ROBO2: variants seen among roughly 807,000 people sequenced by gnomAD.
ROBO2 encodes roundabout guidance receptor 2.
A neutral mutation model predicts 160.8 loss-of-function variants in ROBO2; 53 were observed. The observed-to-expected ratio is 0.33, with a 90% CI of 0.26 to 0.41. The LOEUF is 0.41. ROBO2 is among the 10% of genes least tolerant of loss of function. The pLI, the probability that ROBO2 is intolerant of heterozygous loss-of-function variation, is 1.00. For synonymous variants in ROBO2, 664 were observed against 611.7 expected, an observed-to-expected ratio of 1.09 and a Z score of -1.26; for missense variants, 1,577 against 1,722.4, an observed-to-expected ratio of 0.92 and a Z score of 1.49.
At chr3:77,591,251 C>G (rs575383546) in intron 17 of ROBO2, among the ~76,000 whole-genome samples, 3 of 152,074 alleles carry the variant, frequency 2.0e-5, no homozygotes, top group Non-Finnish European at 4.4e-5. Context: ...AAGGATTAAT[C>G]TGCATTCATA....
chr3:76,701,912 T>TC (rs2093053398), intron 2 of ROBO2, among the ~76,000 whole-genome samples: 2 of 151,776 alleles, frequency 1.3e-5, no homozygotes, highest in Admixed American at 1.3e-4. Flanking sequence ...ACTGTATGTA[T>TC]TTAGAAATGC....
At chr3:77,583,322 G>A (rs2093967644) in intron 16 of ROBO2, among the ~76,000 whole-genome samples, 1 of 151,774 alleles carries the variant, frequency 6.6e-6, no homozygotes, top group South Asian at 2.1e-4. Context: ...TATTAAAGTT[G>A]TCCCTGTTTC....
At chr3:75,982,972 G>A (rs893966705) in intron 2 of ROBO2, among the ~76,000 whole-genome samples, 8 of 151,420 alleles carry the variant, frequency 5.3e-5, no homozygotes, top group Non-Finnish European at 1.0e-4. Flanking sequence ...TCAGATACTC[G>A]ACTAGCACTC....
At chr3:76,551,606 C>A (rs962130842) in intron 2 of ROBO2, among the ~76,000 whole-genome samples, 1 of 152,106 alleles carries the variant, frequency 6.6e-6, no homozygotes, top group African/African-American at 2.4e-5. Context: ...GGAGCCCAGA[C>A]CTAGAGGATC....
chr3:76,807,911 A>G (rs532726691), intron 2 of ROBO2, among the ~76,000 whole-genome samples: 162 of 152,224 alleles, frequency 1.1e-3, no homozygotes, highest in African/African-American at 3.8e-3. Flanking sequence ...AGGACGGTTA[A>G]TGCCTAAAGG....
chr3:76,331,595 G>T (rs192025807), intron 2 of ROBO2, among the ~76,000 whole-genome samples: 1 of 151,806 alleles, frequency 6.6e-6, no homozygotes, highest in East Asian at 1.9e-4. Flanking sequence ...AGTAATATCC[G>T]GGCATCTTTG....
At chr3:76,226,966 ATC>A (rs1704326726) in intron 2 of ROBO2, among the ~76,000 whole-genome samples, 1 of 152,186 alleles carries the variant, frequency 6.6e-6, no homozygotes, top group Admixed American at 6.6e-5. Flanking sequence ...AGCTCTAAAC[ATC>A]TGTGCATCTC....
At position 76,913,232 on chromosome 3, in the gene ROBO2, C is replaced by T. The variant is rs144116776; in HGVS notation, c.110-184782C>T. Among the ~76,000 whole-genome samples the T allele has an allele frequency of 1.8e-3, 279 of 152,168 alleles. 2 individuals are homozygous for T. Among genetic ancestry groups the T allele is most frequent in the African/African-American group, 6.2e-3 (258 of 41,514 alleles). ...CTGCCCGAGTTGATAGATGAGTGAG[C>T]GTTTTAGGTGGTGGGAGAGGTCTTT... is the stretch of plus-strand genomic sequence containing the variant. On this transcript the variant is annotated intron_variant, in intron 2 of 26. Transcript: ENST00000487694.
intron 2 of ROBO2, among the ~76,000 whole-genome samples, chr3:76,197,328 CAATCTCTCTAT>C: frequency 6.8e-6 from 1 of 147,912 alleles, no homozygotes; most frequent in African/African-American, 2.6e-5. Flanking sequence ...CTGAGCTAAT[CAATCTCTCTAT>C]AGATTTGGAT....
chr3:77,120,524 A>C (rs1209685294), intron 2 of ROBO2, among the ~76,000 whole-genome samples: 3 of 152,182 alleles, frequency 2.0e-5, no homozygotes, highest in African/African-American at 7.2e-5. Context: ...GCTGCACAAA[A>C]TATGGAAGAA....
At chr3:76,834,464 C>T (rs1385016494) in intron 2 of ROBO2, among the ~76,000 whole-genome samples, 1 of 151,906 alleles carries the variant, frequency 6.6e-6, no homozygotes, top group Non-Finnish European at 1.5e-5. Context: ...CCTCCTCCTC[C>T]TAGGTTTAAG....
At chr3:77,290,934 T>G (rs796219852) in intron 2 of ROBO2, among the ~76,000 whole-genome samples, 1,652 of 23,278 alleles carry the variant, frequency 0.071, no homozygotes, top group Non-Finnish European at 0.092. Flanking sequence ...AGAATTGATG[T>G]TTAAATGGGT....
chr3:76,856,540 T>A (rs1280634115), intron 2 of ROBO2, among the ~76,000 whole-genome samples: 1 of 152,190 alleles, frequency 6.6e-6, no homozygotes, highest in African/African-American at 2.4e-5. Context: ...CTTCTTCATC[T>A]ACCCTGCCCC....
At chr3:76,781,989 T>C (rs892280313) in intron 2 of ROBO2, among the ~76,000 whole-genome samples, 2 of 150,796 alleles carry the variant, frequency 1.3e-5, no homozygotes, top group Non-Finnish European at 3.0e-5. Flanking sequence ...CATCGGATCA[T>C]GGCTTGTTGT....
At chr3:77,568,910 G>A (rs1454061372) in intron 13 of ROBO2, among the ~76,000 whole-genome samples, 1 of 152,008 alleles carries the variant, frequency 6.6e-6, no homozygotes, top group Non-Finnish European at 1.5e-5. Flanking sequence ...TGTGCAATAT[G>A]TGGTCTTTTG....
chr3:77,102,153 C>T lies in ROBO2; in HGVS notation c.388+3813C>T, dbSNP rs150911475. Among the ~76,000 whole-genome samples, 51 of 152,238 alleles carry T rather than the reference C, an allele frequency of 3.4e-4. No homozygotes were observed. The East Asian group carries it at 7.9e-3, about 24-fold the overall frequency. ...TGATGGGGACAGAACAGCTGAAGAGCGAGTAGTGGTGGGATGGAAGTAGCA... is the reference window on the plus strand; with the variant it reads ...TGATGGGGACAGAACAGCTGAAGAGTGAGTAGTGGTGGGATGGAAGTAGCA... On this transcript the variant is annotated intron_variant, in intron 2 of 25. Transcript: ENST00000461745.
intron 9 of ROBO2, among the ~76,000 whole-genome samples, chr3:77,559,803 A>T (rs1423015171): frequency 6.6e-6 from 1 of 152,114 alleles, no homozygotes; most frequent in South Asian, 2.1e-4. Flanking sequence ...CTTTATATAT[A>T]TAATATTTAT....
intron 2 of ROBO2, among the ~76,000 whole-genome samples, chr3:76,168,613 G>T (rs2072921640): frequency 2.0e-5 from 3 of 151,946 alleles, no homozygotes; most frequent in Admixed American, 2.0e-4. Flanking sequence ...TCATAAAATG[G>T]ACCTGTATTC....
chr3:76,567,620 G>GATATATATAT (rs1201854439), intron 2 of ROBO2, among the ~76,000 whole-genome samples: 279 of 33,098 alleles, frequency 8.4e-3, no homozygotes, highest in Middle Eastern at 0.02. Flanking sequence ...CCAAACTACT[G>GATATATATAT]ATATATATAT....
Sources: gnomAD v4.1 joint callset for allele counts (sites outside exome capture counted in the v4.1 genomes callset) on GRCh38, gnomAD v4.1.1 for gene constraint, MANE v1.5 for transcripts, NCBI Gene and HGNC (gene_info 2026-07-23, HGNC 2026-07-21) for gene names.